The following RAVER2 variants were observed in gnomAD, a reference collection of about 807,000 sequenced individuals.
The protein encoded by RAVER2 is ribonucleoprotein, PTB binding 2, also known as ribonucleoprotein PTB-binding 2.
In RAVER2, 46 loss-of-function variants were observed where a neutral mutation model predicts 78.1. The ratio of observed to expected loss-of-function variants is 0.59; its 90% CI spans 0.46 to 0.75. RAVER2 has a LOEUF of 0.75. Ranked by LOEUF, RAVER2 falls within the 30% of genes least tolerant of loss-of-function variation. RAVER2 has a pLI of 0.00. For missense variants in RAVER2, 793 were observed against 837.5 expected, an observed-to-expected ratio of 0.95 and a Z score of 0.66; for synonymous variants, 311 against 313.3, an observed-to-expected ratio of 0.99 and a Z score of 0.08.
chr1:64,816,672 C>T (rs958707014), intron 11 of RAVER2, among the ~76,000 whole-genome samples: 3 of 152,132 alleles, frequency 2.0e-5, no homozygotes, highest in Non-Finnish European at 4.4e-5. Context: ...TCTAAAAACC[C>T]TGTGAGATTT....
intron 5 of RAVER2, among the ~76,000 whole-genome samples, chr1:64,798,617 G>A (rs1347686110): frequency 6.6e-6 from 1 of 152,058 alleles, no homozygotes; most frequent in Admixed American, 6.6e-5. Context: ...TGAGGGAAGA[G>A]ACTTCTATTA....
At chr1:64,813,569 T>C (rs1243146929) in intron 10 of RAVER2, among the ~76,000 whole-genome samples, 2 of 152,286 alleles carry the variant, frequency 1.3e-5, no homozygotes, top group East Asian at 1.9e-4. Flanking sequence ...AATTCTAAAC[T>C]ATTACCTCTG....
intron 11 of RAVER2, among the ~76,000 whole-genome samples, chr1:64,827,865 C>T (rs1231498713): frequency 5.9e-5 from 9 of 152,154 alleles, no homozygotes; most frequent in Admixed American, 5.2e-4. Context: ...ATTAATCTTG[C>T]CATATTCCAA....
exon 12 of RAVER2, chr1:64,831,005 AC>A (rs754058508): frequency 1.2e-6 from 2 of 1,607,566 alleles, no homozygotes; most frequent in South Asian, 2.2e-5. Context: ...TCTCCTAATA[AC>A]CCCCTAAGGT....
chr1:64,745,198 G>A lies in RAVER2; in HGVS notation c.26G>A (p.Gly9Asp). The change falls in exon 1 of 12, where the codon GGC (glycine) becomes GAC (aspartate). Residue 9 changes from glycine (G) to aspartate (D), a missense_variant. Physicochemically the swap from Gly to Asp is moderately conservative, Grantham distance 94. Transcript: ENST00000294428. The surrounding 1 kb of genome is among the most constrained non-coding windows in gnomAD (Gnocchi z 4.3). Reference sequence around the variant, plus strand: ...ATGGCGGCGGCGGCGGGAGACGGCGGCGGCGAGGGGGGCGCGGGCCTGGGC... The same window carrying A: ...ATGGCGGCGGCGGCGGGAGACGGCGACGGCGAGGGGGGCGCGGGCCTGGGC... 1 of 1,030,322 alleles carries A rather than the reference G, an allele frequency of 9.7e-7. No homozygotes were observed. The highest frequency in any genetic ancestry group is 1.2e-6 in the Non-Finnish European group (1 of 861,154). The allele number at this position is 1,030,322 out of a possible 1,614,324, so 63.8% of individuals were successfully genotyped here.
At chr1:64,819,670 T>G (rs1237836417) in intron 11 of RAVER2, among the ~76,000 whole-genome samples, 1 of 152,178 alleles carries the variant, frequency 6.6e-6, no homozygotes, top group Non-Finnish European at 1.5e-5. Context: ...TAAAAGGAAA[T>G]TTTTACCTAG....
intron 5 of RAVER2, among the ~76,000 whole-genome samples, chr1:64,791,998 G>T (rs1250008302): frequency 6.6e-6 from 1 of 151,978 alleles, no homozygotes; most frequent in African/African-American, 2.4e-5. Context: ...TTTGAGCAGA[G>T]CCCCAGTATA....
chr1:64,762,619 A>G (rs1203926549), intron 1 of RAVER2, among the ~76,000 whole-genome samples: 1 of 152,182 alleles, frequency 6.6e-6, no homozygotes, highest in Non-Finnish European at 1.5e-5. Context: ...GAATATAGCA[A>G]CTCAGTAGTA....
chr1:64,786,981 TAA>T (rs1453209189), intron 4 of RAVER2, among the ~76,000 whole-genome samples: 2 of 152,178 alleles, frequency 1.3e-5, no homozygotes, highest in African/African-American at 4.8e-5. Flanking sequence ...CTGATTCATG[TAA>T]AGTGTTTAGA....
intron 11 of RAVER2, chr1:64,815,424 A>C (rs1389238912): frequency 6.6e-6 from 1 of 152,234 alleles, no homozygotes; most frequent in Non-Finnish European, 1.5e-5. Flanking sequence ...TATTATGTTC[A>C]TAAGATGTCC....
Position 64,804,848 on chromosome 1 carries a change from G to T in RAVER2, c.1296+10G>T, listed in dbSNP as rs1254638165. The T allele has an allele frequency of 6.6e-6, 10 of 1,523,584 alleles. 1 individual carries two copies. The South Asian group carries it at 1.0e-4, about 16-fold the overall frequency. 94.4% of individuals were successfully genotyped at this position (1,523,584 alleles called of 1,614,324 possible). A position where few individuals can be genotyped will look rare whatever the true frequency, so the allele number is the denominator to read the frequency against. On this transcript the variant is annotated intron_variant, in intron 7 of 11. Transcript: ENST00000294428. ...TATTCATACTAATAATGTAAGTATGGTATCATTTTTTCTTTTAAAATCAGT... is the reference window on the plus strand; with the variant it reads ...TATTCATACTAATAATGTAAGTATGTTATCATTTTTTCTTTTAAAATCAGT...
At chr1:64,768,103 A>C (rs559865615) in intron 1 of RAVER2, among the ~76,000 whole-genome samples, 1 of 151,884 alleles carries the variant, frequency 6.6e-6, no homozygotes, top group Non-Finnish European at 1.5e-5. Context: ...TTTACAATTT[A>C]TTTTTTCTAC....
At chr1:64,767,514 A>G (rs1173756378) in intron 1 of RAVER2, among the ~76,000 whole-genome samples, 2 of 152,018 alleles carry the variant, frequency 1.3e-5, no homozygotes, top group South Asian at 2.1e-4. Flanking sequence ...TAATAAGATT[A>G]TTATTGAATT....
intron 3 of RAVER2, 67 bp downstream of exon 3, chr1:64,778,159 C>G (rs1271863537): frequency 8.8e-7 from 1 of 1,142,280 alleles, no homozygotes; most frequent in African/African-American, 1.6e-5. Context: ...TCTACATACA[C>G]TCACAAATTT....
chr1:64,781,712 T>C, intron 4 of RAVER2, 141 bp downstream of exon 4: 2 of 879,792 alleles, frequency 2.3e-6, no homozygotes, highest in South Asian at 6.5e-5. Flanking sequence ...TTTTCCTTTT[T>C]TTTAAAAAAG....
At chr1:64,828,432 T>C (rs754380827) in intron 11 of RAVER2, among the ~76,000 whole-genome samples, 2 of 152,162 alleles carry the variant, frequency 1.3e-5, no homozygotes, top group African/African-American at 2.4e-5. Context: ...AAATATTTGC[T>C]AACTTTATAT....
chr1:64,798,669 G>T (rs946820944), intron 5 of RAVER2, among the ~76,000 whole-genome samples: 1 of 152,140 alleles, frequency 6.6e-6, no homozygotes, highest in Admixed American at 6.5e-5. Flanking sequence ...TAATTTAGAT[G>T]TATTTCCCCA....
intron 1 of RAVER2, among the ~76,000 whole-genome samples, chr1:64,761,974 TAGTGGTGGCACATGCCTGTAGTCCC>T (rs1379208560): frequency 2.0e-5 from 3 of 151,146 alleles, no homozygotes; most frequent in African/African-American, 7.3e-5. Context: ...TAGCTGGGCC[TAGTGGTGGCACATGCCTGTAGTCCC>T]AGCTACTCAG....
chr1:64,794,182 G>A (rs756347884), intron 5 of RAVER2, among the ~76,000 whole-genome samples: 1 of 151,838 alleles, frequency 6.6e-6, no homozygotes, highest in Non-Finnish European at 1.5e-5. Flanking sequence ...AGGTCGAGGC[G>A]AGCGGATCAC....
Sources: gnomAD v4.1 joint callset for allele counts (sites outside exome capture counted in the v4.1 genomes callset) on GRCh38, gnomAD v4.1.1 for gene constraint, Gnocchi (gnomAD v3.1) non-coding constraint, MANE v1.5 for transcripts, NCBI Gene and HGNC (gene_info 2026-07-23, HGNC 2026-07-21) for gene names.